SEMA3A: variants seen among roughly 807,000 people sequenced by gnomAD.
SEMA3A encodes the protein semaphorin-3A.
SEMA3A carries 29 observed loss-of-function variants against 97.9 expected under a neutral mutation model. The observed-to-expected ratio is 0.30, with a 90% CI of 0.22 to 0.40. SEMA3A has a LOEUF of 0.40. SEMA3A is among the 10% of genes least tolerant of loss of function. SEMA3A has a pLI of 1.00. For synonymous variants in SEMA3A, 321 were observed against 323.7 expected, an observed-to-expected ratio of 0.99 and a Z score of 0.09; for missense variants, 763 against 951.3, an observed-to-expected ratio of 0.80 and a Z score of 2.60.
chr7:84,197,291 T>G (rs1223210671), upstream of SEMA3A, among the ~76,000 whole-genome samples: 1 of 152,218 alleles, frequency 6.6e-6, no homozygotes, highest in Non-Finnish European at 1.5e-5. Context: ...TTTAAAAGTT[T>G]CATAGGTTTG....
At chr7:84,057,171 T>TTA (rs1793018749) in intron 5 of SEMA3A, among the ~76,000 whole-genome samples, 2 of 152,200 alleles carry the variant, frequency 1.3e-5, no homozygotes, top group Non-Finnish European at 2.9e-5. Flanking sequence ...TAGCTAAAAG[T>TTA]CTCAGACCTT....
rs563376498 is a variant in SEMA3A at position 84,437,737 on chromosome 7, T to C, written c.-246+54723A>G. 6.6e-5 allele frequency among the ~76,000 whole-genome samples: 10 copies of C among 152,070 alleles called. No individual in the cohort carries two copies. In the South Asian group the frequency reaches 1.5e-3, roughly 22 times the overall value. Reference sequence around the variant, plus strand: ...TATCTTGAAAGGTGCAGTAATCAGATTGACAGAATGAATGCAAATATTTAA... The same window carrying C: ...TATCTTGAAAGGTGCAGTAATCAGACTGACAGAATGAATGCAAATATTTAA... On this transcript the variant is annotated intron_variant, in intron 1 of 3. Transcript: ENST00000424555.
intron 1 of SEMA3A, among the ~76,000 whole-genome samples, chr7:84,136,960 A>AGGAAGGAAGGAAG (rs376783412): frequency 8.5e-5 from 12 of 141,212 alleles, no homozygotes; most frequent in Admixed American, 4.3e-4. Context: ...GAGGGAGGGA[A>AGGAAGGAAGGAAG]GAAGGAAGGA....
intron 1 of SEMA3A, among the ~76,000 whole-genome samples, chr7:84,461,581 T>C (rs1805841297): frequency 1.3e-5 from 2 of 152,216 alleles, no homozygotes; most frequent in South Asian, 4.1e-4. Flanking sequence ...GCAAAGGCCA[T>C]GAACAAACAA....
intron 15 of SEMA3A, among the ~76,000 whole-genome samples, chr7:83,971,911 T>C (rs1788930416): frequency 6.6e-6 from 1 of 152,124 alleles, no homozygotes; most frequent in African/African-American, 2.4e-5. Flanking sequence ...ATTTAGAATT[T>C]TACAGTTTTA....
At chr7:84,490,062 A>C (rs1255188408) in intron 1 of SEMA3A, among the ~76,000 whole-genome samples, 1 of 152,036 alleles carries the variant, frequency 6.6e-6, no homozygotes, top group Non-Finnish European at 1.5e-5. Flanking sequence ...ATACATGAAA[A>C]AATTGTAAAC....
intron 1 of SEMA3A, among the ~76,000 whole-genome samples, chr7:84,424,472 A>AATATATTG (rs1804690531): frequency 8.7e-6 from 1 of 115,182 alleles, no homozygotes; most frequent in Non-Finnish European, 1.7e-5. Flanking sequence ...TTTAATATAC[A>AATATATTG]ATATATAATA....
chr7:84,052,149 C>G (rs1313722872), intron 5 of SEMA3A, among the ~76,000 whole-genome samples: 1 of 151,968 alleles, frequency 6.6e-6, no homozygotes, highest in Non-Finnish European at 1.5e-5. Context: ...CAATGTTCAT[C>G]AAGGATATTG....
At chr7:84,154,691 CAA>C (rs76502594) in intron 1 of SEMA3A, among the ~76,000 whole-genome samples, 1 of 108,430 alleles carries the variant, frequency 9.2e-6, no homozygotes. Context: ...AAAAAAAAAA[CAA>C]AAAAAAAAAA....
At position 84,190,962 on chromosome 7, in the gene SEMA3A, TACAC is replaced by T. The variant is rs3077844; in HGVS notation, c.112+3509_112+3512del. Among the ~76,000 whole-genome samples the T allele has an allele frequency of 7.2e-3, 1,060 of 147,060 alleles. 50 individuals are homozygous for T. The East Asian group carries it at 0.13, about 18-fold the overall frequency. Reference sequence around the variant, plus strand: ...GTGTACACATAAATGTATTGGTATATACACACACACACACACACACACAAATACT... The same window carrying T: ...GTGTACACATAAATGTATTGGTATATACACACACACACACACACAAATACT... On this transcript the variant is annotated intron_variant, in intron 1 of 16. Transcript: ENST00000265362.
chr7:84,406,115 T>C (rs1214889585), intron 1 of SEMA3A, among the ~76,000 whole-genome samples: 2 of 151,998 alleles, frequency 1.3e-5, no homozygotes, highest in Non-Finnish European at 2.9e-5. Flanking sequence ...CAGGAGCTGG[T>C]TTTTTGAAAA....
intron 2 of SEMA3A, among the ~76,000 whole-genome samples, chr7:84,370,982 G>C (rs1802960056): frequency 6.6e-6 from 1 of 151,020 alleles, no homozygotes; most frequent in Admixed American, 6.7e-5. Flanking sequence ...TAGAACATGA[G>C]AATGGATGAT....
At chr7:84,383,478 C>G (rs1803320872) in intron 1 of SEMA3A, among the ~76,000 whole-genome samples, 1 of 152,102 alleles carries the variant, frequency 6.6e-6, no homozygotes, top group Admixed American at 6.5e-5. Flanking sequence ...TTCTTAAATT[C>G]ACTTTCAACA....
At chr7:84,003,436 G>A (rs190953238) in intron 11 of SEMA3A, among the ~76,000 whole-genome samples, 66 of 152,206 alleles carry the variant, frequency 4.3e-4, no homozygotes, top group African/African-American at 1.6e-3. Flanking sequence ...AATATACTAT[G>A]ATGTGCAACT....
At chr7:84,256,974 T>TC (rs1799732116) in intron 3 of SEMA3A, among the ~76,000 whole-genome samples, 1 of 151,982 alleles carries the variant, frequency 6.6e-6, no homozygotes, top group Non-Finnish European at 1.5e-5. Context: ...TCTTTTTTTT[T>TC]CTCTTTTGAG....
chr7:84,058,561 T>TA (rs1793089835), intron 5 of SEMA3A, among the ~76,000 whole-genome samples: 1 of 152,184 alleles, frequency 6.6e-6, no homozygotes, highest in African/African-American at 2.4e-5. Context: ...GCGTTTCAGG[T>TA]ATTTTGAAGG....
At chr7:83,992,091 T>C (rs1789972444) in intron 12 of SEMA3A, among the ~76,000 whole-genome samples, 1 of 142,282 alleles carries the variant, frequency 7.0e-6, no homozygotes, top group East Asian at 2.1e-4. Context: ...CTTCTAGATT[T>C]TCTAGTTTAT....
chr7:84,299,012 G>T (rs1027596993), intron 3 of SEMA3A, among the ~76,000 whole-genome samples: 2 of 151,954 alleles, frequency 1.3e-5, no homozygotes, highest in African/African-American at 4.8e-5. Flanking sequence ...TTGGACTCTT[G>T]GACTTACTCA....
chr7:84,201,851 T>C (rs1584119454), intron 3 of SEMA3A, among the ~76,000 whole-genome samples: 1 of 152,250 alleles, frequency 6.6e-6, no homozygotes, highest in East Asian at 1.9e-4. Flanking sequence ...AATGTGAGTA[T>C]TCCCTTGGTT....
Sources: allele counts gnomAD v4.1 joint callset (sites outside exome capture counted in the v4.1 genomes callset), GRCh38; gene constraint gnomAD v4.1.1; transcripts MANE v1.5; gene names NCBI Gene and HGNC (gene_info 2026-07-23, HGNC 2026-07-21).